Variants in PDLIM5 observed in about 807,000 individuals in gnomAD.
PDLIM5 encodes the protein PDZ and LIM domain 5.
A neutral mutation model predicts 64.2 loss-of-function variants in PDLIM5; 34 were observed. The ratio of observed to expected loss-of-function variants is 0.53; its 90% CI spans 0.40 to 0.71. The LOEUF (loss-of-function observed/expected upper bound fraction) is 0.71, where lower values mean the gene tolerates loss of function less well. Ranked by LOEUF, PDLIM5 falls within the 30% of genes least tolerant of loss-of-function variation. The probability of loss-of-function intolerance (pLI) is 0.00; values close to 1 mark genes in which losing one functional copy is unlikely to be tolerated. For missense variants in PDLIM5, 683 were observed against 733.6 expected (o/e 0.93, Z 0.80); for synonymous variants, 253 against 269.1 (o/e 0.94, Z 0.59).
chr4:94,610,385 C>G, intron 7 of PDLIM5: 1 of 795,008 alleles, frequency 1.3e-6, no homozygotes. Context: ...AGAAAACATG[C>G]CCCTTTGAAG....
chr4:94,651,120 T>C (rs966743040), intron 9 of PDLIM5, among the ~76,000 whole-genome samples: 4 of 152,222 alleles, frequency 2.6e-5, no homozygotes, highest in Admixed American at 2.0e-4. Context: ...GTTAAATTAG[T>C]CTTTGCTGAC....
chr4:94,645,684 C>T (rs1469793040), intron 9 of PDLIM5, among the ~76,000 whole-genome samples: 2 of 152,082 alleles, frequency 1.3e-5, no homozygotes, highest in Admixed American at 6.6e-5. Context: ...GAGAACTATA[C>T]CCCAAAATTA....
At chr4:94,628,397 T>G (rs1404649073) in intron 8 of PDLIM5, among the ~76,000 whole-genome samples, 1 of 152,216 alleles carries the variant, frequency 6.6e-6, no homozygotes, top group African/African-American at 2.4e-5. Context: ...AATTGAGAGA[T>G]ATCTTAGAGA....
chr4:94,612,197 G>A (rs1480630110), intron 7 of PDLIM5, among the ~76,000 whole-genome samples: 3 of 152,080 alleles, frequency 2.0e-5, no homozygotes, highest in African/African-American at 4.8e-5. Context: ...CAGCCTGGGC[G>A]ACAGGGCAAG....
chr4:94,514,376 T>C (rs922720165), intron 2 of PDLIM5, among the ~76,000 whole-genome samples: 12 of 152,036 alleles, frequency 7.9e-5, no homozygotes, highest in Non-Finnish European at 1.3e-4. Context: ...CCTTGTGATC[T>C]GCCCACCTTG....
At chr4:94,611,933 C>G (rs1237262938) in intron 7 of PDLIM5, among the ~76,000 whole-genome samples, 1 of 151,928 alleles carries the variant, frequency 6.6e-6, no homozygotes, top group African/African-American at 2.4e-5. Context: ...ATATATTTAC[C>G]TGGGCCAGGT....
intron 2 of PDLIM5, among the ~76,000 whole-genome samples, chr4:94,480,614 C>T (rs1725762172): frequency 6.6e-6 from 1 of 152,126 alleles, no homozygotes; most frequent in South Asian, 2.1e-4. Context: ...GGCTGATTGA[C>T]CAGGGGTGAA....
chr4:94,616,101 T>C (rs945027200), intron 7 of PDLIM5, among the ~76,000 whole-genome samples: 1 of 152,314 alleles, frequency 6.6e-6, no homozygotes, highest in East Asian at 1.9e-4. Context: ...TTCCAGACTA[T>C]ATATTTTTGT....
At chr4:94,483,891 A>G (rs1464105543) in intron 2 of PDLIM5, among the ~76,000 whole-genome samples, 2 of 152,230 alleles carry the variant, frequency 1.3e-5, no homozygotes, top group African/African-American at 4.8e-5. Context: ...TTCATGTACC[A>G]TCTAAAATAA....
Position 94,667,644 on chromosome 4 carries a change from G to A in PDLIM5, c.*3577G>A, listed in dbSNP as rs1277859549. The A allele has an allele frequency of 2.0e-5, 3 of 152,110 alleles. No individual in the cohort carries two copies. The highest frequency in any genetic ancestry group is 2.1e-4 in the South Asian group (1 of 4,828). The allele number at this position is 152,110 out of a possible 1,614,324, so 9.4% of individuals were successfully genotyped here. On this transcript the variant is annotated 3_prime_UTR_variant, in exon 13 of 13. Transcript: ENST00000317968. Reference sequence around the variant, plus strand: ...GGCACCATAGGACAACTATAGTACCGTGTTTATTTCCTATTAATTCAGGTT... The same window carrying A: ...GGCACCATAGGACAACTATAGTACCATGTTTATTTCCTATTAATTCAGGTT...
At chr4:94,482,378 TA>T (rs1335308864) in intron 2 of PDLIM5, among the ~76,000 whole-genome samples, 2 of 152,160 alleles carry the variant, frequency 1.3e-5, no homozygotes, top group African/African-American at 4.8e-5. Flanking sequence ...AACTAATAAA[TA>T]TCTCTGAGTT....
intron 8 of PDLIM5, among the ~76,000 whole-genome samples, chr4:94,628,498 A>T (rs1578500635): frequency 6.6e-6 from 1 of 152,208 alleles, no homozygotes; most frequent in East Asian, 1.9e-4. Flanking sequence ...GTAGATATTG[A>T]CATTGAGAAA....
At position 94,582,678 on chromosome 4, in the gene PDLIM5, C is replaced by T. The variant is rs375268139; in HGVS notation, c.711-2887C>T. On this transcript the variant is annotated intron_variant, in intron 5 of 12. Transcript: ENST00000317968. ...GGGGAACATCAATGTCTTCTCTACT[C>T]TATCGCATCTTTTTTTGTGTGTGTT... is the stretch of plus-strand genomic sequence containing the variant. 16 of 1,482,688 alleles carry T rather than the reference C, an allele frequency of 1.1e-5. No homozygotes were observed. The African/African-American group carries it at 1.4e-4, about 13-fold the overall frequency. The allele number at this position is 1,482,688 out of a possible 1,614,324, so 91.8% of individuals were successfully genotyped here. A position where few individuals can be genotyped will look rare whatever the true frequency, so the allele number is the denominator to read the frequency against.
chr4:94,460,744 T>C (rs1723807000), intron 2 of PDLIM5, among the ~76,000 whole-genome samples: 1 of 152,124 alleles, frequency 6.6e-6, no homozygotes, highest in African/African-American at 2.4e-5. Flanking sequence ...TAAGAATAGA[T>C]AGATAATAGA....
intron 7 of PDLIM5, chr4:94,588,148 C>T: frequency 1.0e-6 from 1 of 958,348 alleles, no homozygotes; most frequent in Non-Finnish European, 1.2e-6. Flanking sequence ...TGTTCTGTTT[C>T]CTTGAGGCTA....
chr4:94,658,808 G>A (rs1448719407), intron 11 of PDLIM5, among the ~76,000 whole-genome samples: 1 of 152,200 alleles, frequency 6.6e-6, no homozygotes, highest in Non-Finnish European at 1.5e-5. Flanking sequence ...GGGACAGGTT[G>A]GCCACAAGCT....
At chr4:94,660,540 T>C (rs1411657087) in intron 11 of PDLIM5, among the ~76,000 whole-genome samples, 3 of 152,188 alleles carry the variant, frequency 2.0e-5, no homozygotes, top group Admixed American at 2.0e-4. Context: ...TTATTTATTA[T>C]CATTTATTTT....
chr4:94,460,971 C>T (rs994246861), intron 2 of PDLIM5, among the ~76,000 whole-genome samples: 5 of 152,144 alleles, frequency 3.3e-5, no homozygotes, highest in African/African-American at 1.2e-4. Flanking sequence ...ATGATAGTTG[C>T]TAGTCACACT....
At chr4:94,630,386 T>TA (rs1350204312) in intron 8 of PDLIM5, among the ~76,000 whole-genome samples, 2 of 152,094 alleles carry the variant, frequency 1.3e-5, no homozygotes, top group African/African-American at 2.4e-5. Flanking sequence ...TATGTATATA[T>TA]TTTTTTAAGA....
Sources: allele counts gnomAD v4.1 joint callset (sites outside exome capture counted in the v4.1 genomes callset), GRCh38; gene constraint gnomAD v4.1.1; transcripts MANE v1.5; gene names NCBI Gene and HGNC (gene_info 2026-07-23, HGNC 2026-07-21).